Variants in EYS observed in about 807,000 individuals in gnomAD.
EYS encodes EGF-like photoreceptor maintenance factor.
Under a neutral mutation model 282.1 loss-of-function variants are expected in EYS, and 250 were observed. That is an observed-to-expected ratio of 0.89 (90% CI 0.80 to 0.98). EYS has a LOEUF of 0.98. Ranked by LOEUF, EYS falls within the 50% of genes least tolerant of loss-of-function variation. EYS has a pLI of 0.00. For missense variants in EYS, 4,016 were observed against 3,709.0 expected (o/e 1.08, Z -2.15); for synonymous variants, 1,355 against 1,282.9 (o/e 1.06, Z -1.20).
intron 19 of EYS, among the ~76,000 whole-genome samples, chr6:64,874,307 T>C (rs989690896): frequency 6.6e-6 from 1 of 152,110 alleles, no homozygotes; most frequent in Non-Finnish European, 1.5e-5. Flanking sequence ...CAGACTCACA[T>C]AACCAAAAGA....
At chr6:64,372,173 A>T (rs1185181411) in intron 29 of EYS, among the ~76,000 whole-genome samples, 4 of 87,884 alleles carry the variant, frequency 4.6e-5, no homozygotes, top group Non-Finnish European at 6.2e-5. Flanking sequence ...AGTGGCCAGG[A>T]ATGGTCTTTT....
In EYS at chr6:64,130,492, G is replaced by T. The variant is rs186374986; in HGVS notation, c.6425-48490C>A. 1.1e-4 allele frequency among the ~76,000 whole-genome samples: 16 copies of T among 152,146 alleles called. No individual in the cohort carries two copies. In the East Asian group the frequency reaches 2.7e-3, roughly 26 times the overall value. On this transcript the variant is annotated intron_variant, in intron 31 of 42. Transcript: ENST00000503581. ...CTGGGGCCTGTTGTGGGGTGCAGGGGGGAGGGATAACATTAGAAGATATAC... is the reference window on the plus strand; with the variant it reads ...CTGGGGCCTGTTGTGGGGTGCAGGGTGGAGGGATAACATTAGAAGATATAC...
intron 22 of EYS, among the ~76,000 whole-genome samples, chr6:64,684,299 A>T (rs913490934): frequency 2.6e-5 from 4 of 152,182 alleles, no homozygotes; most frequent in Non-Finnish European, 5.9e-5. Flanking sequence ...CAGCTCAGAA[A>T]TATGTTATCC....
At chr6:64,165,034 T>G (rs1483278427) in intron 31 of EYS, among the ~76,000 whole-genome samples, 3 of 152,104 alleles carry the variant, frequency 2.0e-5, no homozygotes, top group Admixed American at 2.0e-4. Context: ...ACAAGGTTTG[T>G]GCACATTTCT....
At chr6:65,227,158 CAA>C (rs76953241) in intron 12 of EYS, among the ~76,000 whole-genome samples, 7 of 92,154 alleles carry the variant, frequency 7.6e-5, no homozygotes, top group Non-Finnish European at 1.2e-4. Flanking sequence ...CAACAACAAC[CAA>C]AAAAAAAAAA....
At chr6:63,754,435 A>G (rs546721187) in intron 41 of EYS, among the ~76,000 whole-genome samples, 6 of 152,144 alleles carry the variant, frequency 3.9e-5, no homozygotes, top group African/African-American at 1.4e-4. Context: ...GAGTGAGAAC[A>G]TGTGGTGTTT....
chr6:64,813,470 G>A lies in EYS; in HGVS notation c.3351C>T (p.Ser1117=), dbSNP rs1764657737. 6.5e-7 allele frequency: 1 copy of A among 1,550,242 alleles called. No homozygotes were observed. The stretch of plus-strand genomic sequence containing the variant: ...GTTCAGGCTCAGCACAATTATCAAT[G>A]CTTTTTTCACAGTATGCACCAGTGT... ...RGYTGAYCEK[S]IDNCAEPELN... The change falls in exon 22 of 43, where the codon AGC becomes AGT. Residue 1117 remains serine, a synonymous_variant. Coordinates refer to ENST00000503581, the MANE Select transcript of EYS (RefSeq NM_001142800.2).
At chr6:65,584,802 T>C (rs1001404731) in intron 2 of EYS, among the ~76,000 whole-genome samples, 9 of 151,360 alleles carry the variant, frequency 5.9e-5, no homozygotes, top group African/African-American at 1.9e-4. Context: ...AAAGCATGAA[T>C]AATATATATG....
At chr6:64,430,537 C>T (rs1333551221) in intron 28 of EYS, among the ~76,000 whole-genome samples, 1 of 152,058 alleles carries the variant, frequency 6.6e-6, no homozygotes, top group Non-Finnish European at 1.5e-5. Flanking sequence ...GAAATATGAG[C>T]ACTTTGGTTC....
intron 33 of EYS, among the ~76,000 whole-genome samples, chr6:64,033,970 C>T (rs976628055): frequency 6.6e-6 from 1 of 152,044 alleles, no homozygotes; most frequent in Non-Finnish European, 1.5e-5. Context: ...AACATTTTTA[C>T]AGTATAGTCT....
intron 22 of EYS, among the ~76,000 whole-genome samples, chr6:64,689,581 A>G: frequency 6.6e-6 from 1 of 152,208 alleles, no homozygotes; most frequent in African/African-American, 2.4e-5. Flanking sequence ...ACACTATACT[A>G]CAAGGCTACA....
chr6:65,620,085 G>T (rs1406191995), intron 2 of EYS, among the ~76,000 whole-genome samples: 1 of 152,248 alleles, frequency 6.6e-6, no homozygotes, highest in Admixed American at 6.5e-5. Context: ...AGTTAGAGAG[G>T]ATTCCCTCTT....
At chr6:65,217,302 T>C (rs931128301) in intron 12 of EYS, among the ~76,000 whole-genome samples, 7 of 152,210 alleles carry the variant, frequency 4.6e-5, no homozygotes, top group Non-Finnish European at 8.8e-5. Context: ...TTTAGACAAT[T>C]ATCCAAATCT....
At chr6:64,262,003 C>T (rs1181926801) in intron 30 of EYS, among the ~76,000 whole-genome samples, 1 of 151,966 alleles carries the variant, frequency 6.6e-6, no homozygotes, top group African/African-American at 2.4e-5. Flanking sequence ...AATTTGCTCG[C>T]CTTGGACTCC....
chr6:64,848,257 AT>A (rs1464818146), intron 19 of EYS, among the ~76,000 whole-genome samples: 2 of 151,392 alleles, frequency 1.3e-5, no homozygotes, highest in Non-Finnish European at 2.9e-5. Context: ...TTTTTCTTTT[AT>A]TTTTTCAGTC....
chr6:65,668,938 C>T (rs1408320929), intron 1 of EYS, among the ~76,000 whole-genome samples: 4 of 151,948 alleles, frequency 2.6e-5, no homozygotes, highest in African/African-American at 9.6e-5. Flanking sequence ...TAATTTTGTA[C>T]CTGGAAATAA....
In EYS at chr6:64,230,817, C is replaced by T. The variant is rs1031937786; in HGVS notation, c.6199G>A (p.Gly2067Arg). Residue 2067 changes from glycine (G) to arginine (R), a missense_variant, in exon 31 of 43, where the codon GGA becomes AGA. Gly to Arg is a moderately radical substitution (Grantham distance 125). Transcript: ENST00000503581. ...GAGGCTGTTGGAGACAGCATAAATC[C>T]CTGGGATCTGTGATTTATAAACAGA... Reference protein sequence around the residue: ...NYHINNCRSQGFMLSPTASFV... With the variant: ...NYHINNCRSQRFMLSPTASFV... 1 of 1,533,924 alleles carries T rather than the reference C, an allele frequency of 6.5e-7. No individual in the cohort carries two copies. Among genetic ancestry groups the T allele is most frequent in the South Asian group, 1.2e-5 (1 of 82,952 alleles).
intron 12 of EYS, among the ~76,000 whole-genome samples, chr6:65,204,004 G>GA (rs1378655787): frequency 1.3e-5 from 2 of 151,804 alleles, no homozygotes; most frequent in Non-Finnish European, 2.9e-5. Context: ...AATATGGTCA[G>GA]AAAAAAACAG....
intron 42 of EYS, among the ~76,000 whole-genome samples, chr6:63,724,391 G>C (rs977400647): frequency 6.6e-6 from 1 of 151,952 alleles, no homozygotes; most frequent in Non-Finnish European, 1.5e-5. Context: ...CTGTAGAAAA[G>C]GAAAGCAATG....
Sources: gnomAD v4.1 joint callset for allele counts (sites outside exome capture counted in the v4.1 genomes callset) on GRCh38, gnomAD v4.1.1 for gene constraint, MANE v1.5 for transcripts, NCBI Gene and HGNC (gene_info 2026-07-23, HGNC 2026-07-21) for gene names.